The following B3GALT1 variants were observed in gnomAD, a reference collection of about 807,000 sequenced individuals.
B3GALT1 encodes the protein beta-1,3-galactosyltransferase 1.
A neutral mutation model predicts 23.2 loss-of-function variants in B3GALT1; 10 were observed. The observed-to-expected ratio is 0.43, with a 90% CI of 0.27 to 0.73. B3GALT1 has a LOEUF of 0.73. Among genes scored for constraint, B3GALT1 ranks in the 30% least tolerant of loss-of-function variants. B3GALT1 has a pLI of 0.21. For missense variants in B3GALT1, 299 were observed against 405.4 expected (o/e 0.74, Z 2.25); for synonymous variants, 156 against 141.5 (o/e 1.10, Z -0.73).
At chr2:167,372,343 A>G (rs1316798137) in intron 1 of B3GALT1, among the ~76,000 whole-genome samples, 1 of 152,120 alleles carries the variant, frequency 6.6e-6, no homozygotes, top group Non-Finnish European at 1.5e-5. Flanking sequence ...CTGAAAATGG[A>G]TGGAAGCATC....
At chr2:167,669,821 G>A (rs1369494160) in intron 3 of B3GALT1, among the ~76,000 whole-genome samples, 2 of 152,014 alleles carry the variant, frequency 1.3e-5, no homozygotes, top group African/African-American at 4.8e-5. Context: ...GGCTTCCCAA[G>A]CCATGTGGGA....
In B3GALT1 at chr2:167,412,317, A is replaced by T. The variant is rs1043173164; in HGVS notation, c.-510-77860A>T. On this transcript the variant is annotated intron_variant, in intron 1 of 4. Coordinates refer to ENST00000392690, the MANE Select transcript of B3GALT1 (RefSeq NM_020981.4). ...ATGACATCAAGTAGTAAAAAAGTCT[A>T]GCCAGAGAATGGAGAACATACATGC... Among the ~76,000 whole-genome samples the T allele has an allele frequency of 9.8e-5, 15 of 152,330 alleles. No individual in the cohort carries two copies. The East Asian group carries it at 2.9e-3, about 29-fold the overall frequency.
At chr2:167,325,702 C>CTTTTTTTTTTTTTTTTT (rs61066636) in intron 1 of B3GALT1, among the ~76,000 whole-genome samples, 4 of 110,568 alleles carry the variant, frequency 3.6e-5, no homozygotes, top group African/African-American at 9.9e-5. Flanking sequence ...ACCCTGTTTT[C>CTTTTTTTTTTTTTTTTT]TTTTTTTTTT....
At chr2:167,861,877 C>T (rs757024649) in intron 4 of B3GALT1, among the ~76,000 whole-genome samples, 3 of 152,090 alleles carry the variant, frequency 2.0e-5, no homozygotes, top group Non-Finnish European at 4.4e-5. Context: ...CTGCCTGGCA[C>T]CTAGTAGTAT....
At chr2:167,339,952 C>T (rs1697120716) in intron 1 of B3GALT1, among the ~76,000 whole-genome samples, 1 of 152,054 alleles carries the variant, frequency 6.6e-6, no homozygotes, top group African/African-American at 2.4e-5. Flanking sequence ...TTTTTATAAC[C>T]CTATTGGGCT....
intron 4 of B3GALT1, among the ~76,000 whole-genome samples, chr2:167,838,743 A>G (rs181521404): frequency 7.9e-5 from 12 of 152,266 alleles, no homozygotes; most frequent in Non-Finnish European, 1.5e-4. Context: ...ATTTTAGACC[A>G]ATATCCTTGA....
At chr2:167,653,160 G>C (rs566848341) in intron 3 of B3GALT1, among the ~76,000 whole-genome samples, 2 of 152,126 alleles carry the variant, frequency 1.3e-5, no homozygotes, top group South Asian at 4.1e-4. Context: ...CTTCTTCTGT[G>C]CTTCAAAAAT....
At chr2:167,585,586 C>T (rs1196856480) in intron 2 of B3GALT1, among the ~76,000 whole-genome samples, 2 of 152,258 alleles carry the variant, frequency 1.3e-5, no homozygotes, top group Non-Finnish European at 2.9e-5. Flanking sequence ...CTAGTGGGAA[C>T]GTATATTTGA....
At chr2:167,518,980 A>G (rs1056199815) in intron 2 of B3GALT1, among the ~76,000 whole-genome samples, 51 of 152,206 alleles carry the variant, frequency 3.4e-4, no homozygotes, top group Admixed American at 3.3e-3. Flanking sequence ...TTGGATCCCC[A>G]ATGGAATTCT....
chr2:167,663,899 C>T (rs1011481509), intron 3 of B3GALT1, among the ~76,000 whole-genome samples: 2 of 151,524 alleles, frequency 1.3e-5, no homozygotes, highest in Non-Finnish European at 3.0e-5. Flanking sequence ...AATTTTCTCC[C>T]ATTTTGTGGG....
At chr2:167,847,996 T>G (rs1177343496) in intron 4 of B3GALT1, among the ~76,000 whole-genome samples, 1 of 151,906 alleles carries the variant, frequency 6.6e-6, no homozygotes, top group East Asian at 1.9e-4. Flanking sequence ...CTAGAAGAGA[T>G]GGATAAATTC....
At chr2:167,378,808 T>A (rs952221556) in intron 1 of B3GALT1, among the ~76,000 whole-genome samples, 1 of 152,178 alleles carries the variant, frequency 6.6e-6, no homozygotes, top group East Asian at 1.9e-4. Context: ...GAGTTCTTTA[T>A]CTGTCATTTC....
chr2:167,428,264 A>AT (rs1424529948), intron 1 of B3GALT1, among the ~76,000 whole-genome samples: 1 of 152,258 alleles, frequency 6.6e-6, no homozygotes, highest in Non-Finnish European at 1.5e-5. Flanking sequence ...TTGGTTTTGA[A>AT]TAAGAGCAAA....
chr2:167,356,897 A>G (rs1574046720), intron 1 of B3GALT1, among the ~76,000 whole-genome samples: 1 of 152,040 alleles, frequency 6.6e-6, no homozygotes, highest in Admixed American at 6.5e-5. Flanking sequence ...GTCAGAAAAC[A>G]ACTCTCAAAT....
intron 3 of B3GALT1, among the ~76,000 whole-genome samples, chr2:167,647,799 G>A (rs1010706363): frequency 6.6e-5 from 10 of 151,786 alleles, no homozygotes; most frequent in African/African-American, 2.4e-4. Context: ...TAAATTTTAT[G>A]GGTACATGGT....
chr2:167,634,498 T>TA (rs1180205443), intron 2 of B3GALT1, among the ~76,000 whole-genome samples: 1 of 151,712 alleles, frequency 6.6e-6, no homozygotes, highest in African/African-American at 2.4e-5. Flanking sequence ...ATAGACACAA[T>TA]AAAAAATGAT....
chr2:167,774,175 A>G (rs1688119101), intron 3 of B3GALT1, among the ~76,000 whole-genome samples: 1 of 152,188 alleles, frequency 6.6e-6, no homozygotes. Flanking sequence ...TAAGAATCCC[A>G]TGTTACAATA....
rs578128049 is a variant in B3GALT1 at position 167,340,627 on chromosome 2, C to T, written c.-511+47293C>T. Among the ~76,000 whole-genome samples the T allele has an allele frequency of 2.4e-4, 37 of 152,336 alleles. No homozygotes were observed. In the Middle Eastern group the frequency reaches 0.01, roughly 42 times the overall value. ...CTTAGTCTTCCAAAAATGGTCATGT[C>T]ACCTTGACGTAACTCTTTTCATGGC... On this transcript the variant is annotated intron_variant, in intron 1 of 4. Coordinates refer to ENST00000392690, the MANE Select transcript of B3GALT1 (RefSeq NM_020981.4).
chr2:167,328,768 C>G (rs759992487), intron 1 of B3GALT1, among the ~76,000 whole-genome samples: 3 of 151,850 alleles, frequency 2.0e-5, no homozygotes, highest in Non-Finnish European at 4.4e-5. Flanking sequence ...TCTTGTTTTT[C>G]TAGTCCTTTG....
Sources: gnomAD v4.1 joint callset for allele counts (sites outside exome capture counted in the v4.1 genomes callset) on GRCh38, gnomAD v4.1.1 for gene constraint, MANE v1.5 for transcripts, NCBI Gene and HGNC (gene_info 2026-07-23, HGNC 2026-07-21) for gene names.